The following MDGA2 variants were observed in gnomAD, a reference collection of about 807,000 sequenced individuals.
MDGA2 encodes the protein MAM domain containing glycosylphosphatidylinositol anchor 2.
In MDGA2, 40 loss-of-function variants were observed where a neutral mutation model predicts 117.8. The ratio of observed to expected loss-of-function variants is 0.34; its 90% CI spans 0.26 to 0.44. The LOEUF (loss-of-function observed/expected upper bound fraction) is 0.44. Among genes scored for constraint, MDGA2 ranks in the 20% least tolerant of loss-of-function variants. The pLI, the probability that MDGA2 is intolerant of heterozygous loss-of-function variation, is 1.00. For missense variants in MDGA2, 1,123 were observed against 1,250.6 expected (o/e 0.90, Z 1.54); for synonymous variants, 452 against 439.0 (o/e 1.03, Z -0.37).
intron 2 of MDGA2, among the ~76,000 whole-genome samples, chr14:47,283,793 G>A (rs958315073): frequency 1.4e-4 from 22 of 152,166 alleles, no homozygotes; most frequent in African/African-American, 2.2e-4. Context: ...TTCTATAGTC[G>A]TTTTAATAAA....
intron 14 of MDGA2, among the ~76,000 whole-genome samples, chr14:46,864,839 C>G (rs1278484389): frequency 6.6e-6 from 1 of 151,978 alleles, no homozygotes; most frequent in Non-Finnish European, 1.5e-5. Context: ...TATCTATCCC[C>G]TCAGCCACCT....
At chr14:46,848,253 A>G (rs1013961095) in intron 15 of MDGA2, among the ~76,000 whole-genome samples, 4 of 152,058 alleles carry the variant, frequency 2.6e-5, no homozygotes, top group African/African-American at 4.8e-5. Flanking sequence ...ACAAAATTGC[A>G]GTACATGGAT....
intron 1 of MDGA2, among the ~76,000 whole-genome samples, chr14:47,345,926 G>A (rs368055144): frequency 1.2e-4 from 19 of 152,082 alleles, no homozygotes; most frequent in African/African-American, 3.9e-4. Context: ...GGACACTAAA[G>A]GTTGGGAAGG....
At chr14:47,458,502 G>C (rs779293843) in intron 1 of MDGA2, among the ~76,000 whole-genome samples, 1 of 152,080 alleles carries the variant, frequency 6.6e-6, no homozygotes, top group South Asian at 2.1e-4. Flanking sequence ...AAAGGACTGC[G>C]GTGAGGGGGA....
At position 46,878,391 on chromosome 14, in the gene MDGA2, G is replaced by T. The variant is rs1882315062; in HGVS notation, c.2417-882C>A. ...CAATGGGCAGAATGTAGTTTCCCAG[G>T]ATTACAATTGGCAGTTAATTTACAG... On this transcript the variant is annotated intron_variant, in intron 11 of 16. Coordinates refer to ENST00000399232, the MANE Select transcript of MDGA2 (RefSeq NM_001113498.3). Among the ~76,000 whole-genome samples, 2 of 151,922 alleles carry T rather than the reference G, an allele frequency of 1.3e-5. 1 individual carries two copies. The highest frequency in any genetic ancestry group is 4.1e-4 in the South Asian group (2 of 4,826).
Position 47,292,449 on chromosome 14 carries a change from C to T in MDGA2, c.420+8962G>A, listed in dbSNP as rs891592942. Among the ~76,000 whole-genome samples the T allele has an allele frequency of 2.6e-5, 4 of 152,106 alleles. No individual in the cohort carries two copies. The East Asian group carries it at 7.7e-4, about 29-fold the overall frequency. On this transcript the variant is annotated intron_variant, in intron 2 of 16. Transcript: ENST00000399232. ...CCGTAGATCAATCCACTTACCCAGG[C>T]TAGAACTCCATTTATCGCTTGTCTT...
chr14:47,130,626 G>T (rs561548557), intron 5 of MDGA2, among the ~76,000 whole-genome samples: 2 of 152,228 alleles, frequency 1.3e-5, no homozygotes, highest in South Asian at 4.1e-4. Context: ...AGTTGGATTT[G>T]CTGACCAGCT....
chr14:47,159,895 T>C (rs543577901), intron 3 of MDGA2, among the ~76,000 whole-genome samples: 1 of 152,342 alleles, frequency 6.6e-6, no homozygotes, highest in South Asian at 2.1e-4. Context: ...AAATATCATT[T>C]CATAGACATA....
At chr14:47,627,822 A>C (rs1897176832) in intron 1 of MDGA2, among the ~76,000 whole-genome samples, 1 of 152,108 alleles carries the variant, frequency 6.6e-6, no homozygotes, top group Admixed American at 6.6e-5. Flanking sequence ...TGCCTTTATG[A>C]GCTCTAACAC....
chr14:47,225,087 C>T (rs1442882569), intron 2 of MDGA2, among the ~76,000 whole-genome samples: 1 of 152,140 alleles, frequency 6.6e-6, no homozygotes. Context: ...CTTAACATTT[C>T]TCTGCAAATC....
chr14:47,274,043 G>A (rs1049761620), intron 2 of MDGA2, among the ~76,000 whole-genome samples: 3 of 151,884 alleles, frequency 2.0e-5, no homozygotes, highest in African/African-American at 7.3e-5. Context: ...TTTTTTTAAC[G>A]GCTTCACTGC....
chr14:47,215,881 G>GATAACAAAT (rs1886067288), intron 3 of MDGA2, among the ~76,000 whole-genome samples: 2 of 152,076 alleles, frequency 1.3e-5, no homozygotes, highest in South Asian at 4.1e-4. Flanking sequence ...AAATAACATA[G>GATAACAAAT]AACGAGATGC....
intron 7 of MDGA2, among the ~76,000 whole-genome samples, chr14:47,056,977 T>C (rs1240858739): frequency 6.6e-6 from 1 of 152,120 alleles, no homozygotes; most frequent in Non-Finnish European, 1.5e-5. Flanking sequence ...GAAACATTTA[T>C]AACAATTTTA....
At chr14:47,499,900 A>G (rs989904147) in intron 1 of MDGA2, among the ~76,000 whole-genome samples, 8 of 152,144 alleles carry the variant, frequency 5.3e-5, no homozygotes, top group African/African-American at 1.9e-4. Context: ...ATCTTTGTCC[A>G]GATAACCACA....
intron 1 of MDGA2, among the ~76,000 whole-genome samples, chr14:47,389,704 C>G (rs1224536088): frequency 6.6e-6 from 1 of 151,942 alleles, no homozygotes; most frequent in African/African-American, 2.4e-5. Flanking sequence ...AAAATACCGC[C>G]CTACTTTGCA....
intron 14 of MDGA2, 33 bp downstream of exon 14, chr14:46,873,400 T>C (rs1168364832): frequency 1.6e-5 from 24 of 1,532,496 alleles, no homozygotes; most frequent in Non-Finnish European, 1.9e-5. Flanking sequence ...TTATCATTAA[T>C]TTTGTAAGAA....
chr14:47,566,711 G>C (rs1689826172), intron 1 of MDGA2, among the ~76,000 whole-genome samples: 1 of 151,954 alleles, frequency 6.6e-6, no homozygotes. Flanking sequence ...TGGGGGCCAG[G>C]AACTAGTCCT....
chr14:47,306,282 T>C (rs1889442168), intron 1 of MDGA2: 2 of 152,152 alleles, frequency 1.3e-5, no homozygotes, highest in African/African-American at 4.8e-5. Context: ...GATGACAATT[T>C]TTTATTTTAA....
intron 1 of MDGA2, among the ~76,000 whole-genome samples, chr14:47,653,914 T>A: frequency 6.6e-6 from 1 of 152,144 alleles, no homozygotes; most frequent in Non-Finnish European, 1.5e-5. Flanking sequence ...CCCTTAGAGC[T>A]TTCAAAAAGA....
Sources: gnomAD v4.1 joint callset for allele counts (sites outside exome capture counted in the v4.1 genomes callset) on GRCh38, gnomAD v4.1.1 for gene constraint, MANE v1.5 for transcripts, NCBI Gene and HGNC (gene_info 2026-07-23, HGNC 2026-07-21) for gene names.